The following TNFSF13B variants were observed in gnomAD, a reference collection of about 807,000 sequenced individuals.
TNFSF13B encodes the protein tumor necrosis factor ligand superfamily member 13B.
Under a neutral mutation model 29.1 loss-of-function variants are expected in TNFSF13B, and 8 were observed. The observed-to-expected ratio is 0.27, with a 90% confidence interval of 0.16 to 0.50. The LOEUF (loss-of-function observed/expected upper bound fraction) is 0.50. Among genes scored for constraint, TNFSF13B ranks in the 20% least tolerant of loss-of-function variants. TNFSF13B has a pLI of 0.98. For synonymous variants in TNFSF13B, 125 were observed against 130.8 expected (o/e 0.96, Z 0.30); for missense variants, 248 against 334.9 (o/e 0.74, Z 2.03).
At position 108,307,851 on chromosome 13, in the gene TNFSF13B, A is replaced by T. The variant is rs1263499853; in HGVS notation, c.*913A>T. On this transcript the variant is annotated 3_prime_UTR_variant, in exon 6 of 6. Transcript: ENST00000375887. ...TCAAACTGCTGCTATTGTAGTTTACATATCCCAACCTTTAAAAATATTCCT... is the reference window on the plus strand; with the variant it reads ...TCAAACTGCTGCTATTGTAGTTTACTTATCCCAACCTTTAAAAATATTCCT... 6.6e-6 allele frequency: 1 copy of T among 152,088 alleles called. No individual in the cohort carries two copies. The highest frequency in any genetic ancestry group is 1.5e-5 in the Non-Finnish European group (1 of 67,964). 9.4% of individuals were successfully genotyped at this position (152,088 alleles called of 1,614,324 possible).
intron 3 of TNFSF13B, among the ~76,000 whole-genome samples, chr13:108,302,234 G>A (rs935715618): frequency 2.0e-4 from 30 of 152,040 alleles, no homozygotes; most frequent in Non-Finnish European, 3.2e-4. Context: ...AGACAGGTAT[G>A]GTTCACCATT....
At position 108,270,260 on chromosome 13, in the gene TNFSF13B, C is replaced by G; in HGVS notation, c.339+26C>G. The G allele has an allele frequency of 3.1e-6, 5 of 1,610,924 alleles. No homozygotes were observed. In the South Asian group the frequency reaches 5.5e-5, roughly 18 times the overall value. On this transcript the variant is annotated intron_variant, in intron 1 of 5. Transcript: ENST00000375887. Reference sequence around the variant, plus strand: ...GTGAGTTTGCAGCAGCTGCAAGACGCAGGCAAGATCCTGCCTACACTGCTG... The same window carrying G: ...GTGAGTTTGCAGCAGCTGCAAGACGGAGGCAAGATCCTGCCTACACTGCTG...
intron 2 of TNFSF13B, among the ~76,000 whole-genome samples, chr13:108,280,935 G>A (rs1254020113): frequency 2.6e-5 from 4 of 152,080 alleles, no homozygotes; most frequent in African/African-American, 7.2e-5. Flanking sequence ...CTCTAATGCC[G>A]AGGTATTTAG....
At chr13:108,276,015 G>A (rs1232555206) in intron 2 of TNFSF13B, among the ~76,000 whole-genome samples, 1 of 152,140 alleles carries the variant, frequency 6.6e-6, no homozygotes, top group Non-Finnish European at 1.5e-5. Context: ...CTATTTTTGA[G>A]TCTTCTTTTT....
chr13:108,289,505 C>A (rs900489295), intron 3 of TNFSF13B, among the ~76,000 whole-genome samples: 8 of 150,214 alleles, frequency 5.3e-5, no homozygotes, highest in Non-Finnish European at 1.2e-4. Context: ...CATAAGAAGA[C>A]TTCTGGGAAA....
intron 3 of TNFSF13B, among the ~76,000 whole-genome samples, chr13:108,301,695 C>G (rs1258605997): frequency 6.6e-6 from 1 of 152,006 alleles, no homozygotes; most frequent in Non-Finnish European, 1.5e-5. Flanking sequence ...TTCAGTTAGA[C>G]TGGAGGAATA....
Position 108,270,324 on chromosome 13 carries a change from G to A in TNFSF13B, c.340-16G>A, listed in dbSNP as rs1351336453. 13 of 1,614,054 alleles carry A rather than the reference G, an allele frequency of 8.1e-6. No individual in the cohort carries two copies. The highest frequency in any genetic ancestry group is 1.3e-5 in the African/African-American group (1 of 74,924). On this transcript the variant is annotated splice_polypyrimidine_tract_variant and intron_variant, in intron 1 of 5. Transcript: ENST00000375887. ...TCAGCTGTCTTTCTAATAACTTGAAGTTTTTCTGTTCATAGATCTTTGAAC... is the reference window on the plus strand; with the variant it reads ...TCAGCTGTCTTTCTAATAACTTGAAATTTTTCTGTTCATAGATCTTTGAAC...
intron 2 of TNFSF13B, among the ~76,000 whole-genome samples, chr13:108,271,115 T>C (rs1023169368): frequency 6.6e-6 from 1 of 152,108 alleles, no homozygotes; most frequent in African/African-American, 2.4e-5. Flanking sequence ...CTTTACAGAG[T>C]TGGTGGGGCC....
chr13:108,280,905 G>A (rs1174716618), intron 2 of TNFSF13B, among the ~76,000 whole-genome samples: 1 of 152,090 alleles, frequency 6.6e-6, no homozygotes, highest in Non-Finnish European at 1.5e-5. Context: ...ATCATTTGAG[G>A]CCGGGCGTGG....
At chr13:108,272,651 A>G (rs1327768621) in intron 2 of TNFSF13B, among the ~76,000 whole-genome samples, 2 of 151,910 alleles carry the variant, frequency 1.3e-5, no homozygotes, top group Admixed American at 1.3e-4. Flanking sequence ...TGTTTTATTA[A>G]GTTCCTCATA....
At chr13:108,291,807 T>C (rs1881321960) in intron 3 of TNFSF13B, among the ~76,000 whole-genome samples, 1 of 152,068 alleles carries the variant, frequency 6.6e-6, no homozygotes, top group Admixed American at 6.6e-5. Flanking sequence ...TGGCTTTTAT[T>C]CATCATAATG....
intron 2 of TNFSF13B, among the ~76,000 whole-genome samples, chr13:108,280,804 A>T (rs1444265804): frequency 6.6e-6 from 1 of 152,146 alleles, no homozygotes; most frequent in Non-Finnish European, 1.5e-5. Context: ...CACAAAACAT[A>T]GTTAAAATAT....
intron 2 of TNFSF13B, among the ~76,000 whole-genome samples, chr13:108,279,127 A>G (rs1159738427): frequency 1.3e-5 from 2 of 152,118 alleles, no homozygotes; most frequent in African/African-American, 4.8e-5. Flanking sequence ...GGATTTAGTG[A>G]CTGGTTTTTA....
intron 3 of TNFSF13B, among the ~76,000 whole-genome samples, chr13:108,296,538 T>C (rs1881462645): frequency 6.9e-6 from 1 of 145,374 alleles, no homozygotes; most frequent in South Asian, 2.1e-4. Context: ...AGATCATGAG[T>C]TTGGGCTTTT....
chr13:108,295,220 C>T lies in TNFSF13B; in HGVS notation c.482-8033C>T. 1.4e-5 allele frequency among the ~76,000 whole-genome samples: 2 copies of T among 145,240 alleles called. 1 individual carries two copies. Among genetic ancestry groups the T allele is most frequent in the African/African-American group, 5.2e-5 (2 of 38,622 alleles). On this transcript the variant is annotated intron_variant, in intron 3 of 5. Transcript: ENST00000375887. Reference sequence around the variant, plus strand: ...TTGAGATGGAGTCTCCGTCACCCAGCCTGGAGTGCAATGGTGCGATCTCGG... The same window carrying T: ...TTGAGATGGAGTCTCCGTCACCCAGTCTGGAGTGCAATGGTGCGATCTCGG...
chr13:108,269,956 G>A lies in TNFSF13B; in HGVS notation c.61G>A (p.Glu21Lys). ...TACTTCTTGCCTTAAGAAAAGAGAA[G>A]AAATGAAACTGAAGGAGTGTGTTTC... ...RLTSCLKKRE[E>K]MKLKECVSIL... The change falls in exon 1 of 6, where the codon GAA becomes AAA. Residue 21 changes from glutamate to lysine, a missense_variant. Glu to Lys is a moderately conservative substitution (Grantham distance 56). Transcript: ENST00000375887. 2 of 1,613,754 alleles carry A rather than the reference G, an allele frequency of 1.2e-6. No individual in the cohort carries two copies. The highest frequency in any genetic ancestry group is 1.7e-6 in the Non-Finnish European group (2 of 1,180,014).
intron 5 of TNFSF13B, among the ~76,000 whole-genome samples, chr13:108,306,443 T>C (rs955259218): frequency 5.3e-5 from 8 of 152,042 alleles, no homozygotes; most frequent in Non-Finnish European, 7.4e-5. Context: ...TTCACATTTT[T>C]ATTTAACATT....
At chr13:108,277,014 A>G (rs1880780868) in intron 2 of TNFSF13B, among the ~76,000 whole-genome samples, 1 of 152,182 alleles carries the variant, frequency 6.6e-6, no homozygotes, top group Non-Finnish European at 1.5e-5. Context: ...TTTCTCTTCA[A>G]ATAGATTTAT....
intron 3 of TNFSF13B, among the ~76,000 whole-genome samples, chr13:108,299,996 CAT>C (rs1881568092): frequency 6.6e-6 from 1 of 151,998 alleles, no homozygotes; most frequent in Admixed American, 6.6e-5. Flanking sequence ...TAATTTTATA[CAT>C]ATAAATTTAA....
Sources: gnomAD v4.1 joint callset for allele counts (sites outside exome capture counted in the v4.1 genomes callset) on GRCh38, gnomAD v4.1.1 for gene constraint, MANE v1.5 for transcripts, NCBI Gene and HGNC (gene_info 2026-07-23, HGNC 2026-07-21) for gene names.